Variants in RBM44 observed in about 807,000 individuals in gnomAD.
RBM44 encodes RNA-binding protein 44.
Under a neutral mutation model 105.1 loss-of-function variants are expected in RBM44, and 66 were observed. The ratio of observed to expected loss-of-function variants is 0.63; its 90% CI spans 0.52 to 0.77. The LOEUF (loss-of-function observed/expected upper bound fraction) is 0.77, where lower values mean the gene tolerates loss of function less well. RBM44 is among the 30% of genes least tolerant of loss of function. RBM44 has a pLI of 0.00. For synonymous variants in RBM44, 365 were observed against 417.6 expected, an observed-to-expected ratio of 0.87 and a Z score of 1.54; for missense variants, 1,122 against 1,207.8, an observed-to-expected ratio of 0.93 and a Z score of 1.05.
chr2:237,821,784 A>G lies in RBM44; in HGVS notation c.2162A>G (p.His721Arg), dbSNP rs1295436214. 6.2e-7 allele frequency: 1 copy of G among 1,611,430 alleles called. No individual in the cohort carries two copies. Among genetic ancestry groups the G allele is most frequent in the Non-Finnish European group, 8.5e-7 (1 of 1,178,298 alleles). ...ADAEQDNQRA[H>R]DVDVSSNLKK... is the part of the protein sequence containing the mutation. ...GCTGAACAAGATAATCAGAGGGCTC[A>G]TGATGTTGATGTTTCTTCAAACCTA... Residue 721 changes from histidine (H) to arginine (R), a missense_variant, in exon 8 of 16, where the codon CAT becomes CGT. Around this residue, in one of 3 missense-constraint regions of RBM44, gnomAD observed 918 missense variants for 955.3 expected, o/e 0.96. Coordinates refer to ENST00000316997, the MANE Select transcript of RBM44 (RefSeq NM_001080504.3).
Position 237,823,602 on chromosome 2 carries a change from A to C in RBM44, c.2320+48A>C, listed in dbSNP as rs1431015359. 4.7e-6 allele frequency: 4 copies of C among 842,298 alleles called. No individual in the cohort carries two copies. In the African/African-American group the frequency reaches 6.9e-5, roughly 14 times the overall value. 52.2% of individuals were successfully genotyped at this position (842,298 alleles called of 1,614,324 possible). A position where few individuals can be genotyped will look rare whatever the true frequency, so the allele number is the denominator to read the frequency against. On this transcript the variant is annotated intron_variant, in intron 9 of 15. Coordinates refer to ENST00000316997, the MANE Select transcript of RBM44 (RefSeq NM_001080504.3). ...TTGTATAGTTGCTGGAAAACAAAAT[A>C]AGGTTTAAAGTATTGGTAGTGTTTA...
chr2:237,802,545 A>G (rs1281070515), intron 1 of RBM44, among the ~76,000 whole-genome samples: 1 of 152,144 alleles, frequency 6.6e-6, no homozygotes, highest in Admixed American at 6.5e-5. Flanking sequence ...CTGGGCCCCA[A>G]ATTAGGCTGT....
intron 10 of RBM44, among the ~76,000 whole-genome samples, chr2:237,825,286 A>C (rs1354020504): frequency 6.6e-6 from 1 of 151,856 alleles, no homozygotes; most frequent in East Asian, 1.9e-4. Flanking sequence ...GGGTGGCACT[A>C]TCTTGGCTCA....
Position 237,823,462 on chromosome 2 carries a change from G to A in RBM44, c.2228G>A (p.Ser743Asn). 6.6e-7 allele frequency: 1 copy of A among 1,511,872 alleles called. No individual in the cohort carries two copies. The highest frequency in any genetic ancestry group is 9.0e-7 in the Non-Finnish European group (1 of 1,112,068). 93.7% of individuals were successfully genotyped at this position (1,511,872 alleles called of 1,614,324 possible). The change falls in exon 9 of 16, where the codon AGT becomes AAT. Residue 743 changes from serine (S) to asparagine (N), a missense_variant. This residue lies in a region of RBM44 where 918 missense variants were observed against 955.3 expected (regional missense o/e 0.96). Transcript: ENST00000316997. ...CAGATGTCTTTATCATCTGACAATA[G>A]TCATGCTACACAAAACATATCACCC... ...LSQMSLSSDN[S>N]HATQNISPKK...
intron 1 of RBM44, among the ~76,000 whole-genome samples, chr2:237,809,122 C>A (rs2061629161): frequency 6.6e-6 from 1 of 152,090 alleles, no homozygotes; most frequent in Non-Finnish European, 1.5e-5. Flanking sequence ...AATCAAGAAT[C>A]CATCCATTTT....
chr2:237,817,236 C>T lies in RBM44; in HGVS notation c.317C>T (p.Ala106Val), dbSNP rs1322561946. 1.2e-6 allele frequency: 2 copies of T among 1,603,864 alleles called. No homozygotes were observed. Among genetic ancestry groups the T allele is most frequent in the Admixed American group, 1.7e-5 (1 of 57,572 alleles). Residue 106 changes from alanine to valine, a missense_variant, in exon 3 of 16, where the codon GCT (alanine) becomes GTT (valine). Around this residue, in one of 3 missense-constraint regions of RBM44, gnomAD observed 918 missense variants for 955.3 expected, o/e 0.96. Coordinates refer to ENST00000316997, the MANE Select transcript of RBM44 (RefSeq NM_001080504.3). The stretch of plus-strand genomic sequence containing the variant: ...GAACTTGAAGACAGTACTGACTATG[C>T]TTTCTTGAATAAAACATATTCTATA... ...SSELEDSTDY[A>V]FLNKTYSIPY...
At chr2:237,799,140 C>T (rs115028752) in intron 1 of RBM44, 6,779 of 152,230 alleles carry the variant, frequency 0.045, 187 homozygotes, top group Middle Eastern at 0.071. Flanking sequence ...GTCGCGGGGC[C>T]GGTCTCCCAA....
intron 10 of RBM44, among the ~76,000 whole-genome samples, chr2:237,826,935 C>G: frequency 6.6e-6 from 1 of 152,006 alleles, no homozygotes; most frequent in East Asian, 1.9e-4. Context: ...AACCAGTCCC[C>G]CAGGGATACT....
chr2:237,823,516 T>G lies in RBM44; in HGVS notation c.2282T>G (p.Ile761Arg). ...AAAGATGACTTTAAAAATGGTGATA[T>G]AAATGCAGACTTTAGTCAACTGAAA... is the stretch of plus-strand genomic sequence containing the variant. ...PKKDDFKNGD[I>R]NADFSQLKLG... The change falls in exon 9 of 16, where the codon ATA becomes AGA. Residue 761 changes from isoleucine (I) to arginine (R), a missense_variant. Physicochemically the swap from Ile to Arg is moderately conservative, Grantham distance 97. Coordinates refer to ENST00000316997, the MANE Select transcript of RBM44 (RefSeq NM_001080504.3). 6.5e-7 allele frequency: 1 copy of G among 1,536,400 alleles called. No homozygotes were observed. The highest frequency in any genetic ancestry group is 8.8e-7 in the Non-Finnish European group (1 of 1,131,846).
At chr2:237,805,442 C>A (rs1329356960) in intron 1 of RBM44, among the ~76,000 whole-genome samples, 2 of 152,146 alleles carry the variant, frequency 1.3e-5, no homozygotes, top group African/African-American at 2.4e-5. Flanking sequence ...AACACTATTC[C>A]TATGAAACTA....
In RBM44 at chr2:237,821,208, C is replaced by T; in HGVS notation, c.2051C>T (p.Ser684Leu). ...CCACTGGAAGAGCTGCCCCCACTGT[C>T]ACTAGAATCAAAATTATTATCTACC... ...GIPLEELPPLSLESKLLSTFS... is the reference protein window; with the variant it reads ...GIPLEELPPLLLESKLLSTFS... Residue 684 changes from serine to leucine, a missense_variant, in exon 6 of 16, where the codon TCA becomes TTA. By Grantham distance (145) the Ser-to-Leu change is moderately radical (BLOSUM62 -2). This residue lies in a region of RBM44 where 918 missense variants were observed against 955.3 expected (regional missense o/e 0.96). Transcript: ENST00000316997. 7 of 1,609,000 alleles carry T rather than the reference C, an allele frequency of 4.4e-6. No homozygotes were observed. Among genetic ancestry groups the T allele is most frequent in the Non-Finnish European group, 5.9e-6 (7 of 1,177,630 alleles).
At position 237,829,508 on chromosome 2, in the gene RBM44, T is replaced by C. The variant is rs2061882973; in HGVS notation, c.2886+6T>C. ...AGGTTTTCCCTTCCGACCAGGTTAG[T>C]GTTTTTGATAGATCCCTTAAATGGT... is the stretch of plus-strand genomic sequence containing the variant. On this transcript the variant is annotated splice_donor_region_variant and intron_variant, in intron 13 of 15. Coordinates refer to ENST00000316997, the MANE Select transcript of RBM44 (RefSeq NM_001080504.3). 6.2e-7 allele frequency: 1 copy of C among 1,601,574 alleles called. No homozygotes were observed. Among genetic ancestry groups the C allele is most frequent in the Non-Finnish European group, 8.5e-7 (1 of 1,175,124 alleles).
chr2:237,817,653 T>C lies in RBM44; in HGVS notation c.734T>C (p.Ile245Thr). The change falls in exon 3 of 16, where the codon ATC (isoleucine) becomes ACC (threonine). Residue 245 changes from isoleucine to threonine, a missense_variant. Ile to Thr is a moderately conservative substitution (Grantham distance 89). Transcript: ENST00000316997. ...GTTAACTCGGGAAGTGGTTCTATCA[T>C]CTCTTTCGATTCACTTGATGTTTAT... ...NRVNSGSGSI[I>T]SFDSLDVYGQ... 6.2e-7 allele frequency: 1 copy of C among 1,612,856 alleles called. No homozygotes were observed. Among genetic ancestry groups the C allele is most frequent in the Non-Finnish European group, 8.5e-7 (1 of 1,179,330 alleles).
chr2:237,831,438 G>A (rs1439110794), intron 13 of RBM44, among the ~76,000 whole-genome samples: 1 of 151,878 alleles, frequency 6.6e-6, no homozygotes. Context: ...CTACTACCTT[G>A]CCTGGCTAAT....
intron 1 of RBM44, among the ~76,000 whole-genome samples, chr2:237,809,924 C>T (rs931367735): frequency 3.3e-5 from 5 of 152,048 alleles, no homozygotes; most frequent in Non-Finnish European, 5.9e-5. Flanking sequence ...AGAGCAAACC[C>T]CTTCTCTTTA....
intron 8 of RBM44, among the ~76,000 whole-genome samples, chr2:237,823,043 A>G (rs1432936227): frequency 1.3e-5 from 2 of 151,934 alleles, no homozygotes; most frequent in Admixed American, 1.3e-4. Flanking sequence ...TCTCGTAAAT[A>G]AAATATACAC....
At chr2:237,830,361 G>A (rs556246872) in intron 13 of RBM44, among the ~76,000 whole-genome samples, 1 of 152,192 alleles carries the variant, frequency 6.6e-6, no homozygotes, top group Admixed American at 6.5e-5. Flanking sequence ...TCCTTTACCA[G>A]ATAGGTGATT....
rs970059843 is a variant in RBM44 at position 237,821,690 on chromosome 2, C to G, written c.2121-53C>G. On this transcript the variant is annotated intron_variant, in intron 7 of 15. Coordinates refer to ENST00000316997, the MANE Select transcript of RBM44 (RefSeq NM_001080504.3). ...ATACATTGTAGTTAACTATAGTCAC[C>G]TTACTCTGTTATCAAACATTAGATC... 3 of 1,274,192 alleles carry G rather than the reference C, an allele frequency of 2.4e-6. No homozygotes were observed. The African/African-American group carries it at 4.4e-5, about 19-fold the overall frequency. 78.9% of individuals were successfully genotyped at this position (1,274,192 alleles called of 1,614,324 possible). A position where few individuals can be genotyped will look rare whatever the true frequency, so the allele number is the denominator to read the frequency against.
chr2:237,813,847 G>T (rs1340981338), intron 2 of RBM44, among the ~76,000 whole-genome samples, 165 bp downstream of exon 2: 3 of 152,108 alleles, frequency 2.0e-5, no homozygotes, highest in Admixed American at 6.6e-5. Context: ...GTGATTTTTG[G>T]TGGATCAGGG....
Sources: allele counts gnomAD v4.1 joint callset (sites outside exome capture counted in the v4.1 genomes callset), GRCh38; gene constraint gnomAD v4.1.1; regional missense constraint gnomAD v4.1.1; transcripts MANE v1.5; gene names NCBI Gene and HGNC (gene_info 2026-07-23, HGNC 2026-07-21).